ROBO1: variants seen among roughly 807,000 people sequenced by gnomAD.
ROBO1 encodes the protein roundabout guidance receptor 1.
A neutral mutation model predicts 195.9 loss-of-function variants in ROBO1; 149 were observed. The observed-to-expected ratio is 0.76, with a 90% CI of 0.67 to 0.87. The LOEUF (loss-of-function observed/expected upper bound fraction) is 0.87. Ranked by LOEUF, ROBO1 falls within the 40% of genes least tolerant of loss-of-function variation. The pLI, the probability that ROBO1 is intolerant of heterozygous loss-of-function variation, is 0.00. For missense variants in ROBO1, 1,933 were observed against 2,068.3 expected (o/e 0.93, Z 1.27); for synonymous variants, 816 against 733.2 (o/e 1.11, Z -1.82).
chr3:78,793,147 AAG>A (rs2084076823), intron 4 of ROBO1, among the ~76,000 whole-genome samples: 1 of 151,752 alleles, frequency 6.6e-6, no homozygotes, highest in South Asian at 2.1e-4. Context: ...AAAAAAAAAA[AAG>A]AAAGAAAGAA....
intron 10 of ROBO1, among the ~76,000 whole-genome samples, chr3:78,672,192 CA>C (rs1161032975): frequency 6.6e-6 from 1 of 152,028 alleles, no homozygotes; most frequent in African/African-American, 2.4e-5. Context: ...TGGCTAATTG[CA>C]AAAGGCTAGA....
At chr3:78,957,550 T>A (rs2041113277) in intron 3 of ROBO1, among the ~76,000 whole-genome samples, 1 of 151,934 alleles carries the variant, frequency 6.6e-6, no homozygotes, top group Admixed American at 6.6e-5. Flanking sequence ...TTACAATGAG[T>A]GGGAGCAAAT....
chr3:78,853,806 G>C (rs1327089872), intron 4 of ROBO1, among the ~76,000 whole-genome samples: 1 of 151,992 alleles, frequency 6.6e-6, no homozygotes, highest in Non-Finnish European at 1.5e-5. Context: ...AATGATAGCG[G>C]AAGGCAAAAA....
chr3:79,056,461 C>G (rs1011533120), intron 3 of ROBO1, among the ~76,000 whole-genome samples: 1 of 152,138 alleles, frequency 6.6e-6, no homozygotes, highest in Non-Finnish European at 1.5e-5. Context: ...CAACAGACCA[C>G]TCCTGTTCAA....
At chr3:79,572,470 G>A (rs1269718935) in intron 2 of ROBO1, among the ~76,000 whole-genome samples, 1 of 151,696 alleles carries the variant, frequency 6.6e-6, no homozygotes, top group Non-Finnish European at 1.5e-5. Context: ...ACTAAGAGAA[G>A]GTGTGTTTAG....
chr3:78,854,357 T>C (rs1384482645), intron 4 of ROBO1, among the ~76,000 whole-genome samples: 1 of 148,546 alleles, frequency 6.7e-6, no homozygotes, highest in African/African-American at 2.4e-5. Flanking sequence ...ATATGTTGTA[T>C]ATAAAAATAT....
chr3:78,785,302 T>A (rs945133147), intron 4 of ROBO1, among the ~76,000 whole-genome samples: 1 of 152,178 alleles, frequency 6.6e-6, no homozygotes, highest in African/African-American at 2.4e-5. Context: ...CTGTACTTAT[T>A]CCCTTTCATT....
rs566370963 is a variant in ROBO1 at position 79,294,646 on chromosome 3, A to C, written c.89-169107T>G. Reference sequence around the variant, plus strand: ...CCTCTGCACAACAAAAGAAACAATCATAAGGGTGAACAGGCAACCTACAGA... The same window carrying C: ...CCTCTGCACAACAAAAGAAACAATCCTAAGGGTGAACAGGCAACCTACAGA... On this transcript the variant is annotated intron_variant, in intron 2 of 30. Coordinates refer to ENST00000464233, the MANE Select transcript of ROBO1 (RefSeq NM_002941.4). 1.4e-3 allele frequency among the ~76,000 whole-genome samples: 220 copies of C among 152,312 alleles called. 1 individual carries two copies. Among genetic ancestry groups the C allele is most frequent in the African/African-American group, 5.0e-3 (209 of 41,578 alleles).
chr3:79,483,435 G>C (rs764129663), intron 2 of ROBO1, among the ~76,000 whole-genome samples: 1 of 152,074 alleles, frequency 6.6e-6, no homozygotes, highest in African/African-American at 2.4e-5. Flanking sequence ...GACTGCATTC[G>C]GATGAAAATG....
At chr3:79,277,798 A>AAAC (rs999412085) in intron 2 of ROBO1, among the ~76,000 whole-genome samples, 15 of 151,742 alleles carry the variant, frequency 9.9e-5, no homozygotes, top group African/African-American at 2.7e-4. Flanking sequence ...AATAAAAAAA[A>AAAC]ACACACACTT....
In ROBO1 at chr3:78,821,757, AT is replaced by A. The variant is rs2030994741; in HGVS notation, c.500-74858del. Reference sequence around the variant, plus strand: ...GGATAATTTAATTTAATTCAATTAAATTTCACATAATTCAATTCCTTTCAAC... The same window carrying A: ...GGATAATTTAATTTAATTCAATTAAATTCACATAATTCAATTCCTTTCAAC... On this transcript the variant is annotated intron_variant, in intron 4 of 30. Transcript: ENST00000464233. Among the ~76,000 whole-genome samples, 3 of 152,164 alleles carry A rather than the reference AT, an allele frequency of 2.0e-5. 1 individual carries two copies. The highest frequency in any genetic ancestry group is 2.0e-4 in the Admixed American group (3 of 15,274).
chr3:78,896,658 C>CAAAAAAAAAAAAAAA (rs142287501), intron 4 of ROBO1, among the ~76,000 whole-genome samples: 2 of 65,926 alleles, frequency 3.0e-5, no homozygotes, highest in Admixed American at 1.9e-4. Flanking sequence ...TTGTTGCTCA[C>CAAAAAAAAAAAAAAA]AAAAAAAAAA....
intron 2 of ROBO1, among the ~76,000 whole-genome samples, chr3:79,351,782 GTTTC>G (rs1262621038): frequency 6.6e-6 from 1 of 151,658 alleles, no homozygotes; most frequent in Non-Finnish European, 1.5e-5. Flanking sequence ...TGATTTTCTT[GTTTC>G]TTTCTTTCTT....
chr3:78,609,522 A>G (rs1703662670), intron 28 of ROBO1, among the ~76,000 whole-genome samples: 1 of 152,216 alleles, frequency 6.6e-6, no homozygotes, highest in South Asian at 2.1e-4. Context: ...CTTTACCAAC[A>G]TGAATGGATT....
At chr3:78,640,678 C>T (rs998022653) in intron 21 of ROBO1, among the ~76,000 whole-genome samples, 22 of 152,132 alleles carry the variant, frequency 1.4e-4, no homozygotes, top group Admixed American at 6.5e-4. Context: ...TAATGGGAGC[C>T]TTGGACCAAC....
chr3:78,844,720 A>G (rs541269968), intron 4 of ROBO1, among the ~76,000 whole-genome samples: 78 of 152,238 alleles, frequency 5.1e-4, no homozygotes, highest in Non-Finnish European at 9.1e-4. Context: ...TAACACTGAA[A>G]ATATTTTAAA....
rs142141741 is a variant in ROBO1, at chr3:79,203,384, C to T, written c.89-77845G>A. ...CTTTATAACCACAAGCAATAGTATT[C>T]CCAGGATAGGGTTTATCTCTATTAG... On this transcript the variant is annotated intron_variant, in intron 2 of 30. Coordinates refer to ENST00000464233, the MANE Select transcript of ROBO1 (RefSeq NM_002941.4). Among the ~76,000 whole-genome samples, 705 of 152,274 alleles carry T rather than the reference C, an allele frequency of 4.6e-3. 4 individuals are homozygous for T. Among genetic ancestry groups the T allele is most frequent in the African/African-American group, 0.016 (673 of 41,574 alleles).
chr3:78,813,889 T>C (rs2084820121), intron 4 of ROBO1, among the ~76,000 whole-genome samples: 1 of 152,060 alleles, frequency 6.6e-6, no homozygotes, highest in South Asian at 2.1e-4. Flanking sequence ...AACATATTAA[T>C]TACAGGGATC....
chr3:79,382,569 A>G (rs1423084300), intron 2 of ROBO1, among the ~76,000 whole-genome samples: 2 of 152,164 alleles, frequency 1.3e-5, no homozygotes, highest in African/African-American at 4.8e-5. Context: ...GCTTTGAGAT[A>G]CAGGGCAGGA....
Sources: allele counts gnomAD v4.1 joint callset (sites outside exome capture counted in the v4.1 genomes callset), GRCh38; gene constraint gnomAD v4.1.1; transcripts MANE v1.5; gene names NCBI Gene and HGNC (gene_info 2026-07-23, HGNC 2026-07-21).